GRID1: variants seen among roughly 807,000 people sequenced by gnomAD.
GRID1 encodes the protein glutamate receptor ionotropic, delta-1.
In GRID1, 28 loss-of-function variants were observed where a neutral mutation model predicts 98.0. That is an observed-to-expected ratio of 0.29 (90% confidence interval 0.21 to 0.39). GRID1 has a LOEUF of 0.39. Ranked by LOEUF, GRID1 falls within the 10% of genes least tolerant of loss-of-function variation. The pLI, the probability that GRID1 is intolerant of heterozygous loss-of-function variation, is 1.00. For synonymous variants in GRID1, 553 were observed against 538.5 expected, an observed-to-expected ratio of 1.03 and a Z score of -0.37; for missense variants, 1,111 against 1,340.5, an observed-to-expected ratio of 0.83 and a Z score of 2.67.
chr10:86,066,542 G>C (rs570225055), intron 4 of GRID1, among the ~76,000 whole-genome samples: 1 of 152,160 alleles, frequency 6.6e-6, no homozygotes, highest in Non-Finnish European at 1.5e-5. Flanking sequence ...TCAAACCCAA[G>C]TTTGTATCCT....
At chr10:86,099,202 T>C (rs991190151) in intron 4 of GRID1, among the ~76,000 whole-genome samples, 2 of 152,196 alleles carry the variant, frequency 1.3e-5, no homozygotes, top group African/African-American at 4.8e-5. Flanking sequence ...AACCCAGCTC[T>C]GCCATCCCCA....
intron 4 of GRID1, among the ~76,000 whole-genome samples, chr10:85,944,823 T>G (rs1246114344): frequency 1.8e-5 from 2 of 108,330 alleles, no homozygotes; most frequent in African/African-American, 3.2e-5. Context: ...ACTGTAGAGT[T>G]TTTTTTTTAA....
At chr10:86,260,520 G>A (rs1437242157) in intron 2 of GRID1, among the ~76,000 whole-genome samples, 2 of 152,164 alleles carry the variant, frequency 1.3e-5, no homozygotes, top group African/African-American at 4.8e-5. Flanking sequence ...ACCTTCAGGA[G>A]CTCCCGGTCC....
intron 4 of GRID1, among the ~76,000 whole-genome samples, chr10:85,980,483 C>G (rs1471041395): frequency 6.6e-6 from 1 of 152,216 alleles, no homozygotes; most frequent in Non-Finnish European, 1.5e-5. Context: ...CATTTGATTC[C>G]TGATGCTGAG....
intron 8 of GRID1, among the ~76,000 whole-genome samples, chr10:85,747,760 C>T (rs1020050066): frequency 2.0e-5 from 3 of 152,104 alleles, no homozygotes; most frequent in African/African-American, 2.4e-5. Context: ...TTTTCTGTTA[C>T]GGGATAGCAG....
intron 2 of GRID1, among the ~76,000 whole-genome samples, chr10:86,209,626 T>C (rs1039720966): frequency 1.9e-4 from 29 of 152,364 alleles, no homozygotes; most frequent in African/African-American, 6.7e-4. Context: ...TTTTTTCTTA[T>C]GCATGCTCTC....
chr10:86,232,155 A>G (rs995876169), intron 2 of GRID1, among the ~76,000 whole-genome samples: 1 of 152,200 alleles, frequency 6.6e-6, no homozygotes, highest in Non-Finnish European at 1.5e-5. Flanking sequence ...TGCAATGAGA[A>G]TAGCGCATCC....
chr10:85,701,586 A>G (rs574673557), intron 12 of GRID1, among the ~76,000 whole-genome samples: 2 of 152,310 alleles, frequency 1.3e-5, no homozygotes, highest in South Asian at 4.1e-4. Context: ...TTAAGACTTG[A>G]AAGGGTGATT....
At chr10:85,887,809 GTC>G (rs979663566) in intron 5 of GRID1, among the ~76,000 whole-genome samples, 2 of 152,140 alleles carry the variant, frequency 1.3e-5, no homozygotes, top group African/African-American at 4.8e-5. Context: ...GATACAATGT[GTC>G]TAGCCCGAAG....
At chr10:86,013,708 T>C (rs1434197474) in intron 4 of GRID1, among the ~76,000 whole-genome samples, 1 of 152,220 alleles carries the variant, frequency 6.6e-6, no homozygotes, top group Non-Finnish European at 1.5e-5. Flanking sequence ...TTTGACCGTC[T>C]GACCAGTTAA....
At chr10:85,924,080 G>A (rs543948708) in intron 4 of GRID1, among the ~76,000 whole-genome samples, 37 of 152,298 alleles carry the variant, frequency 2.4e-4, no homozygotes, top group Admixed American at 2.4e-3. Flanking sequence ...GCACCTGGCA[G>A]ACAGTGAACT....
chr10:86,198,217 G>C (rs902254885), intron 3 of GRID1, among the ~76,000 whole-genome samples: 5 of 152,222 alleles, frequency 3.3e-5, no homozygotes, highest in African/African-American at 1.2e-4. Flanking sequence ...AGCTTAGAAG[G>C]CATGATGGCT....
intron 12 of GRID1, among the ~76,000 whole-genome samples, chr10:85,711,391 C>T (rs1330671514): frequency 1.3e-5 from 2 of 151,808 alleles, no homozygotes; most frequent in Non-Finnish European, 3.0e-5. Context: ...AAACAATTGC[C>T]ATATAATGCT....
chr10:85,749,004 A>T (rs1306389361), intron 8 of GRID1, among the ~76,000 whole-genome samples: 2 of 152,172 alleles, frequency 1.3e-5, no homozygotes, highest in Non-Finnish European at 2.9e-5. Context: ...TCTACTTCAG[A>T]ACTCTATCCA....
intron 4 of GRID1, among the ~76,000 whole-genome samples, chr10:85,949,752 C>T (rs1156930017): frequency 3.9e-5 from 6 of 152,050 alleles, no homozygotes; most frequent in Admixed American, 1.3e-4. Flanking sequence ...GATATATTGC[C>T]GGGATTAAAT....
intron 3 of GRID1, among the ~76,000 whole-genome samples, chr10:86,197,254 G>A (rs1310527341): frequency 1.3e-5 from 2 of 152,140 alleles, no homozygotes; most frequent in African/African-American, 4.8e-5. Flanking sequence ...ACGTCTGCAC[G>A]TGCAGGAAGA....
intron 13 of GRID1, among the ~76,000 whole-genome samples, chr10:85,622,703 A>G (rs1379334480): frequency 1.3e-5 from 2 of 152,208 alleles, no homozygotes; most frequent in African/African-American, 4.8e-5. Context: ...GCATGGGCTT[A>G]TGTCTCAGAT....
rs145367713 is a variant in GRID1 at position 86,316,981 on chromosome 10, G to A, written c.235+46960C>T. ...AAGAGATTCAGTCCAGCTGGTGGGG[G>A]TGTTGGGACAGGAATCTGTATAAAA... On this transcript the variant is annotated intron_variant, in intron 2 of 15. Coordinates refer to ENST00000327946, the MANE Select transcript of GRID1 (RefSeq NM_017551.3). Among the ~76,000 whole-genome samples, 89 of 152,338 alleles carry A rather than the reference G, an allele frequency of 5.8e-4. 1 individual carries two copies. The highest frequency in any genetic ancestry group is 2.0e-3 in the African/African-American group (82 of 41,568).
At chr10:85,603,741 G>A (rs1055980757) in intron 15 of GRID1, among the ~76,000 whole-genome samples, 22 of 152,062 alleles carry the variant, frequency 1.4e-4, no homozygotes, top group Non-Finnish European at 2.6e-4. Flanking sequence ...AAGCAGCATG[G>A]GTGCTGATGC....
Sources: gnomAD v4.1 joint callset for allele counts (sites outside exome capture counted in the v4.1 genomes callset) on GRCh38, gnomAD v4.1.1 for gene constraint, MANE v1.5 for transcripts, NCBI Gene and HGNC (gene_info 2026-07-23, HGNC 2026-07-21) for gene names.